The following CFAP92 variants were observed in gnomAD, a reference collection of about 807,000 sequenced individuals.
CFAP92 encodes the protein cilia and flagella associated protein 92 (putative), also known as uncharacterized protein CFAP92.
A neutral mutation model predicts 106.3 loss-of-function variants in CFAP92; 86 were observed. The ratio of observed to expected loss-of-function variants is 0.81; its 90% CI spans 0.68 to 0.97. CFAP92 has a LOEUF of 0.97. Among genes scored for constraint, CFAP92 ranks in the 50% least tolerant of loss-of-function variants. The probability of loss-of-function intolerance (pLI) is 0.00; values close to 1 mark genes in which losing one functional copy is unlikely to be tolerated. For synonymous variants in CFAP92, 477 were observed against 506.4 expected, an observed-to-expected ratio of 0.94 and a Z score of 0.78; for missense variants, 1,204 against 1,283.8, an observed-to-expected ratio of 0.94 and a Z score of 0.95.
In CFAP92 at chr3:128,909,933, AAGAC is replaced by A; in HGVS notation, c.*362_*365del. On this transcript the variant is annotated 3_prime_UTR_variant, in exon 16 of 16. Coordinates refer to ENST00000645291, the MANE Select transcript of CFAP92 (RefSeq NM_001394090.1). ...ACTTTCTCAAGGAACACAGGAGACT[AAGAC>A]AGGCAAAGATGCAGCCCAGGGAGGG... 1.4e-5 allele frequency: 22 copies of A among 1,568,290 alleles called. No individual in the cohort carries two copies. The highest frequency in any genetic ancestry group is 1.9e-5 in the Admixed American group (1 of 52,728).
intron 9 of CFAP92, among the ~76,000 whole-genome samples, chr3:128,959,366 C>T (rs1288944641): frequency 6.6e-6 from 1 of 151,992 alleles, no homozygotes; most frequent in Non-Finnish European, 1.5e-5. Flanking sequence ...TGATTTTTAG[C>T]CTAGAATTCT....
intron 4 of CFAP92, among the ~76,000 whole-genome samples, chr3:128,983,319 T>C (rs1943643817): frequency 6.6e-6 from 1 of 152,162 alleles, no homozygotes; most frequent in African/African-American, 2.4e-5. Context: ...AATGCGAGCA[T>C]TGAGCCTGTG....
At chr3:129,008,737 G>A in the CFAP92 span, among the ~76,000 whole-genome samples, 1 of 152,262 alleles carries the variant, frequency 6.6e-6, no homozygotes, top group African/African-American at 2.4e-5. Flanking sequence ...AGCCTCCCAG[G>A]TGTCAAAAGG....
the CFAP92 span, among the ~76,000 whole-genome samples, chr3:129,014,653 C>T: frequency 6.6e-6 from 1 of 152,148 alleles, no homozygotes; most frequent in Non-Finnish European, 1.5e-5. The surrounding 1 kb of genome is among the most constrained non-coding windows in gnomAD (Gnocchi z 4.3). Flanking sequence ...GAGACACAAC[C>T]AGCCCATCAC....
rs751185924 is a variant in CFAP92, at chr3:128,971,305, C to T, written c.1150G>A (p.Val384Ile). Residue 384 changes from valine (V) to isoleucine (I), a missense_variant, in exon 8 of 16, where the codon GTC becomes ATC. By Grantham distance (29) the Val-to-Ile change is conservative. Coordinates refer to ENST00000645291, the MANE Select transcript of CFAP92 (RefSeq NM_001394090.1). ...KQSAFSIQLAVMPLLAGWQTV... is the reference protein window; with the variant it reads ...KQSAFSIQLAIMPLLAGWQTV... ...TGGGTACCGGCAAGGAGCGGCATGA[C>T]GGCCAGCTGGATGGAGAAAGCGCTC... The T allele has an allele frequency of 4.3e-5, 70 of 1,613,610 alleles. No homozygotes were observed. Among genetic ancestry groups the T allele is most frequent in the Non-Finnish European group, 5.5e-5 (65 of 1,179,820 alleles).
At chr3:128,979,697 C>CA (rs1280057631) in intron 4 of CFAP92, among the ~76,000 whole-genome samples, 1 of 144,202 alleles carries the variant, frequency 6.9e-6, no homozygotes, top group Non-Finnish European at 1.5e-5. Context: ...ATCGGAAGGA[C>CA]AAAAAAACCA....
At chr3:128,950,461 G>T (rs531324400) in intron 9 of CFAP92, among the ~76,000 whole-genome samples, 1 of 152,318 alleles carries the variant, frequency 6.6e-6, no homozygotes, top group East Asian at 1.9e-4. Flanking sequence ...TCAACCTAAA[G>T]GAAGCGGACT....
intron 9 of CFAP92, among the ~76,000 whole-genome samples, chr3:128,961,866 T>G (rs1001121953): frequency 6.6e-6 from 1 of 152,220 alleles, no homozygotes; most frequent in Non-Finnish European, 1.5e-5. Context: ...TTGCAATTCC[T>G]TGCCTCCACT....
chr3:128,989,005 T>C (rs1467103744), intron 2 of CFAP92, 87 bp from the exon 3 acceptor site: 8 of 1,020,504 alleles, frequency 7.8e-6, no homozygotes, highest in Non-Finnish European at 1.2e-5. Flanking sequence ...CTTGATGTTG[T>C]GAGAGGCTGA....
At chr3:129,026,691 T>C in the CFAP92 span, among the ~76,000 whole-genome samples, 1 of 152,264 alleles carries the variant, frequency 6.6e-6, no homozygotes, top group East Asian at 1.9e-4. Flanking sequence ...CCTTATTCCC[T>C]TGTGTCTTTT....
Position 128,975,920 on chromosome 3 carries a change from G to C in CFAP92, c.897-17C>G, listed in dbSNP as rs762378145. 3 of 1,589,048 alleles carry C rather than the reference G, an allele frequency of 1.9e-6. No individual in the cohort carries two copies. The highest frequency in any genetic ancestry group is 2.6e-6 in the Non-Finnish European group (3 of 1,170,484). ...ACACTCCATCTAGAAAATTCACAAA[G>C]AGAAAAATTAATGAAGGTGAAAAAA... is the stretch of plus-strand genomic sequence containing the variant. On this transcript the variant is annotated splice_polypyrimidine_tract_variant and intron_variant, in intron 6 of 15. Transcript: ENST00000645291.
the CFAP92 span, among the ~76,000 whole-genome samples, chr3:129,019,835 C>T: frequency 2.2e-5 from 3 of 134,042 alleles, no homozygotes; most frequent in Non-Finnish European, 4.6e-5. Flanking sequence ...ATGGTATGAT[C>T]TCAGCTCACT....
intron 9 of CFAP92, among the ~76,000 whole-genome samples, chr3:128,960,259 C>G (rs1398050195): frequency 6.6e-6 from 1 of 152,258 alleles, no homozygotes; most frequent in East Asian, 1.9e-4. Context: ...AAATGTGGTG[C>G]CGTGACTCGG....
intron 12 of CFAP92, among the ~76,000 whole-genome samples, chr3:128,931,676 T>C (rs1233867259): frequency 2.6e-5 from 4 of 151,904 alleles, no homozygotes; most frequent in Non-Finnish European, 5.9e-5. Context: ...AAAAGCAGAA[T>C]TGATAAATCC....
intron 4 of CFAP92, among the ~76,000 whole-genome samples, chr3:128,985,110 AG>A (rs1472738422): frequency 6.6e-6 from 1 of 152,226 alleles, no homozygotes; most frequent in Non-Finnish European, 1.5e-5. Context: ...TTAAATAAGA[AG>A]CAGTGATGCT....
At chr3:128,930,393 C>A (rs561533326) in intron 12 of CFAP92, among the ~76,000 whole-genome samples, 1 of 152,000 alleles carries the variant, frequency 6.6e-6, no homozygotes, top group African/African-American at 2.4e-5. Flanking sequence ...TTTCATGATC[C>A]GCCTGCCTCA....
intron 15 of CFAP92, among the ~76,000 whole-genome samples, chr3:128,911,793 C>G (rs969236005): frequency 2.0e-5 from 3 of 152,222 alleles, no homozygotes; most frequent in African/African-American, 7.2e-5. Context: ...GGAGGAGCAT[C>G]TGGTTGTACC....
intron 9 of CFAP92, among the ~76,000 whole-genome samples, chr3:128,960,379 A>T (rs1433728367): frequency 6.6e-6 from 1 of 152,150 alleles, no homozygotes; most frequent in Non-Finnish European, 1.5e-5. Context: ...CCCAAGAAAC[A>T]TCTCACCAAT....
At chr3:128,935,986 C>T (rs191091235) in intron 10 of CFAP92, among the ~76,000 whole-genome samples, 30 of 152,370 alleles carry the variant, frequency 2.0e-4, no homozygotes, top group African/African-American at 6.5e-4. Flanking sequence ...GGGACCTTGA[C>T]AGAGAGCTGG....
Sources: allele counts gnomAD v4.1 joint callset (sites outside exome capture counted in the v4.1 genomes callset), GRCh38; gene constraint gnomAD v4.1.1; non-coding constraint Gnocchi (gnomAD v3.1); transcripts MANE v1.5; gene names NCBI Gene and HGNC (gene_info 2026-07-23, HGNC 2026-07-21).